The following LOC400499 variants were observed in gnomAD, a reference collection of about 807,000 sequenced individuals.
chr16:11,456,130 C>T, the LOC400499 span, among the ~76,000 whole-genome samples: 5 of 151,822 alleles, frequency 3.3e-5, no homozygotes, highest in South Asian at 4.2e-4. Context: ...CCGAAACCTC[C>T]GCCTCCTGGG....
chr16:11,496,627 T>A, the LOC400499 span, among the ~76,000 whole-genome samples: 1 of 152,076 alleles, frequency 6.6e-6, no homozygotes, highest in Non-Finnish European at 1.5e-5. Flanking sequence ...GGGCATCTCG[T>A]GTGTCCCATT....
chr16:11,500,134 CAGG>C, the LOC400499 span, among the ~76,000 whole-genome samples: 40 of 152,230 alleles, frequency 2.6e-4, no homozygotes, highest in South Asian at 5.2e-3. Flanking sequence ...TGCCAGACAC[CAGG>C]AGAACCACTT....
the LOC400499 span, among the ~76,000 whole-genome samples, chr16:11,513,817 C>T: frequency 6.6e-6 from 1 of 152,122 alleles, no homozygotes; most frequent in Non-Finnish European, 1.5e-5. Context: ...ATAAAGTGCT[C>T]AGCACAGCAA....
At chr16:11,413,194 T>A in the LOC400499 span, among the ~76,000 whole-genome samples, 1 of 152,052 alleles carries the variant, frequency 6.6e-6, no homozygotes, top group Non-Finnish European at 1.5e-5. Flanking sequence ...AGCCCAGACG[T>A]CGACAGAGAA....
the LOC400499 span, among the ~76,000 whole-genome samples, chr16:11,492,259 C>T: frequency 6.7e-6 from 1 of 148,236 alleles, no homozygotes; most frequent in Admixed American, 6.8e-5. Context: ...GCCAGCCAGC[C>T]AGCCAGCCAC....
the LOC400499 span, among the ~76,000 whole-genome samples, chr16:11,443,699 T>C: frequency 6.6e-6 from 1 of 152,138 alleles, no homozygotes; most frequent in Non-Finnish European, 1.5e-5. Flanking sequence ...GCTGCTCCCA[T>C]TCTGCACACA....
the LOC400499 span, among the ~76,000 whole-genome samples, chr16:11,398,703 A>T: frequency 6.7e-6 from 1 of 150,148 alleles, no homozygotes; most frequent in Non-Finnish European, 1.5e-5. Context: ...TCTATAGCCC[A>T]GGCTGGAGTA....
chr16:11,521,875 T>C, the LOC400499 span: 3 of 398,462 alleles, frequency 7.5e-6, no homozygotes, highest in Non-Finnish European at 1.3e-5. Context: ...AATTGGAAAT[T>C]GGAGGTAAGG....
chr16:11,496,875 C>T, the LOC400499 span, among the ~76,000 whole-genome samples: 258 of 145,136 alleles, frequency 1.8e-3, 2 homozygotes, highest in East Asian at 0.028. Context: ...TGAGTCTTGG[C>T]GTGTATGCCT....
chr16:11,488,674 C>G, the LOC400499 span: 5 of 398,592 alleles, frequency 1.3e-5, no homozygotes, highest in Non-Finnish European at 2.2e-5. Context: ...TTTGTGGTTC[C>G]AGAGCAGGAC....
chr16:11,377,018 A>T, the LOC400499 span, among the ~76,000 whole-genome samples: 1 of 150,810 alleles, frequency 6.6e-6, no homozygotes, highest in Non-Finnish European at 1.5e-5. Context: ...AGGCATAATC[A>T]TCGTCAAAAC....
At chr16:11,512,786 A>G in the LOC400499 span, among the ~76,000 whole-genome samples, 1 of 152,164 alleles carries the variant, frequency 6.6e-6, no homozygotes, top group Admixed American at 6.5e-5. Context: ...GTGGGACACC[A>G]CTGGGTCCTG....
chr16:11,385,853 A>C, the LOC400499 span, among the ~76,000 whole-genome samples: 1 of 152,186 alleles, frequency 6.6e-6, no homozygotes, highest in South Asian at 2.1e-4. Flanking sequence ...TGAATAAATT[A>C]GAAGCCACTG....
At chr16:11,455,189 T>A in the LOC400499 span, among the ~76,000 whole-genome samples, 1 of 152,218 alleles carries the variant, frequency 6.6e-6, no homozygotes, top group Non-Finnish European at 1.5e-5. Flanking sequence ...GTAAGACATT[T>A]ATAGTTATAA....
the LOC400499 span, among the ~76,000 whole-genome samples, chr16:11,497,058 ATG>A: frequency 1.3e-5 from 2 of 151,756 alleles, no homozygotes; most frequent in Non-Finnish European, 2.9e-5. Context: ...GTGATCCAGC[ATG>A]TGTGTGCATA....
the LOC400499 span, chr16:11,435,649 T>G: frequency 2.5e-6 from 1 of 399,380 alleles, no homozygotes; most frequent in East Asian, 3.6e-5. Context: ...GCAGGCCACC[T>G]GGGGACCATT....
chr16:11,388,016 G>A, the LOC400499 span, among the ~76,000 whole-genome samples: 1 of 148,440 alleles, frequency 6.7e-6, no homozygotes, highest in African/African-American at 2.5e-5. Flanking sequence ...TGAATGATCA[G>A]GGGGATGTCA....
the LOC400499 span, chr16:11,411,419 G>A: frequency 8.5e-5 from 34 of 398,402 alleles, no homozygotes; most frequent in Middle Eastern, 6.3e-4. Flanking sequence ...GGACTTCCCC[G>A]AGAGAGAGTC....
the LOC400499 span, chr16:11,447,902 G>A: frequency 6.6e-7 from 1 of 1,519,094 alleles, no homozygotes; most frequent in African/African-American, 1.4e-5. Flanking sequence ...AAACTTGCAG[G>A]GGTGTCAGCT....
Sources: gnomAD v4.1 joint callset for allele counts (sites outside exome capture counted in the v4.1 genomes callset) on GRCh38, gnomAD v4.1.1 for gene constraint, MANE v1.5 for transcripts.